KLHL18: variants seen among roughly 807,000 people sequenced by gnomAD.
The protein encoded by KLHL18 is kelch like family member 18.
Under a neutral mutation model 58.5 loss-of-function variants are expected in KLHL18, and 38 were observed. The observed-to-expected ratio is 0.65, with a 90% CI of 0.50 to 0.85. The LOEUF (loss-of-function observed/expected upper bound fraction) is 0.85, where lower values mean the gene tolerates loss of function less well. KLHL18 is among the 40% of genes least tolerant of loss of function. The pLI, the probability that KLHL18 is intolerant of heterozygous loss-of-function variation, is 0.00. For synonymous variants in KLHL18, 303 were observed against 301.9 expected (o/e 1.00, Z -0.04); for missense variants, 624 against 778.4 (o/e 0.80, Z 2.36).
chr3:47,307,588 C>T (rs1479498159), intron 1 of KLHL18, among the ~76,000 whole-genome samples: 5 of 150,264 alleles, frequency 3.3e-5, no homozygotes, highest in Admixed American at 6.6e-5. Flanking sequence ...CAAGGTCTTG[C>T]CATGTTGCCC....
intron 1 of KLHL18, among the ~76,000 whole-genome samples, chr3:47,316,484 C>T (rs1266292833): frequency 6.8e-5 from 1 of 14,744 alleles, no homozygotes; most frequent in African/African-American, 1.0e-4. Flanking sequence ...TATATATATA[C>T]ATATATACAT....
At chr3:47,298,371 A>AG (rs386396561) in intron 1 of KLHL18, among the ~76,000 whole-genome samples, 48 of 151,368 alleles carry the variant, frequency 3.2e-4, no homozygotes, top group East Asian at 1.5e-3. Context: ...AAAAAAAAAA[A>AG]AGAGAAAAAA....
intron 7 of KLHL18, chr3:47,338,541 G>C (rs1704036131): frequency 6.6e-6 from 1 of 152,280 alleles, no homozygotes; most frequent in Admixed American, 6.5e-5. Flanking sequence ...GTAGCAGCAA[G>C]CCAGGTATGG....
chr3:47,332,454 A>G (rs902488818), intron 4 of KLHL18, among the ~76,000 whole-genome samples: 6 of 152,182 alleles, frequency 3.9e-5, no homozygotes, highest in Non-Finnish European at 7.3e-5. Flanking sequence ...GGGGGATGCT[A>G]GAGAGGTGAA....
At chr3:47,310,877 T>C (rs1703282160) in intron 1 of KLHL18, among the ~76,000 whole-genome samples, 1 of 152,198 alleles carries the variant, frequency 6.6e-6, no homozygotes, top group Non-Finnish European at 1.5e-5. Flanking sequence ...AGCTCTTCTC[T>C]CTCTGGACCA....
At chr3:47,309,526 G>A (rs1180371434) in intron 1 of KLHL18, among the ~76,000 whole-genome samples, 2 of 152,066 alleles carry the variant, frequency 1.3e-5, no homozygotes, top group African/African-American at 4.8e-5. Context: ...CTGGGCAGCC[G>A]GGCAGAGGGG....
chr3:47,340,693 C>T lies in KLHL18; in HGVS notation c.1226+17C>T, dbSNP rs371984147. Reference sequence around the variant, plus strand: ...GACGGACAAGTAAGGACTCCAGCTCCCTTGGGGCAACTGGAGCTTATAAAC... The same window carrying T: ...GACGGACAAGTAAGGACTCCAGCTCTCTTGGGGCAACTGGAGCTTATAAAC... On this transcript the variant is annotated intron_variant, in intron 8 of 9. Transcript: ENST00000232766. 9 of 1,613,530 alleles carry T rather than the reference C, an allele frequency of 5.6e-6. No individual in the cohort carries two copies. The highest frequency in any genetic ancestry group is 4.0e-5 in the African/African-American group (3 of 74,856).
intron 1 of KLHL18, among the ~76,000 whole-genome samples, chr3:47,298,796 G>C (rs764672459): frequency 6.6e-6 from 1 of 152,102 alleles, no homozygotes; most frequent in Non-Finnish European, 1.5e-5. Context: ...AAATGAAATC[G>C]TAGAGTTCGT....
Position 47,343,918 on chromosome 3 carries a change from T to TGCATCCCTC in KLHL18, c.1703_1711dup (p.Pro570_Leu571insArgIlePro). The TGCATCCCTC allele has an allele frequency of 6.2e-7, 1 of 1,613,876 alleles. No homozygotes were observed. Among genetic ancestry groups the TGCATCCCTC allele is most frequent in the Non-Finnish European group, 8.5e-7 (1 of 1,180,014 alleles). ...CCATGAGGGAGGGGTCGGTGTGGGC[T>TGCATCCCTC]GCATCCCTCTCCTCACCATCTAAGG... On this transcript the variant is annotated inframe_insertion, in exon 10 of 10. Transcript: ENST00000232766.
In KLHL18 at chr3:47,343,703, TG is replaced by T. The variant is rs1171222226; in HGVS notation, c.1488del (p.Met496IlefsTer11). 6.2e-7 allele frequency: 1 copy of T among 1,614,198 alleles called. No individual in the cohort carries two copies. Among genetic ancestry groups the T allele is most frequent in the Admixed American group, 1.7e-5 (1 of 60,030 alleles). On this transcript the variant is annotated frameshift_variant, in exon 10 of 10. Transcript: ENST00000232766. LOFTEE classifies it high-confidence loss of function. ...DGSGFLSIAEMYSSVADQWCL... is the reference protein window; with the variant it reads ...DGSGFLSIAEXYSSVADQWCL... ...TCTGGCTTCCTCAGCATTGCCGAGA[TG>T]TACAGCTCTGTGGCAGACCAGTGGT...
rs774813452 is a variant in KLHL18 at position 47,336,703 on chromosome 3, A to G, written c.1067A>G (p.Tyr356Cys). ...CTACGGCTGAGCACTGTGGAGGCCT[A>G]CAACCCGGAGACAGACACATGGACC... ...GQLRLSTVEA[Y>C]NPETDTWTRV... The change falls in exon 7 of 10, where the codon TAC (tyrosine) becomes TGC (cysteine). Residue 356 changes from tyrosine to cysteine, a missense_variant. Physicochemically the swap from Tyr to Cys is radical, Grantham distance 194 (BLOSUM62 -2). Transcript: ENST00000232766. The G allele has an allele frequency of 6.2e-7, 1 of 1,614,246 alleles. No homozygotes were observed. Among genetic ancestry groups the G allele is most frequent in the Non-Finnish European group, 8.5e-7 (1 of 1,180,044 alleles).
At chr3:47,326,544 CT>C (rs1703727034) in intron 3 of KLHL18, among the ~76,000 whole-genome samples, 1 of 152,136 alleles carries the variant, frequency 6.6e-6, no homozygotes, top group South Asian at 2.1e-4. Flanking sequence ...GCTCTCCTTC[CT>C]TTTCCCCCAC....
intron 7 of KLHL18, chr3:47,338,866 C>T (rs1254043790): frequency 2.0e-5 from 3 of 152,196 alleles, no homozygotes; most frequent in African/African-American, 7.2e-5. Context: ...GTTTTATTTT[C>T]CTGTTTGTTA....
intron 3 of KLHL18, among the ~76,000 whole-genome samples, chr3:47,323,196 C>T (rs1255603370): frequency 6.6e-6 from 1 of 152,006 alleles, no homozygotes; most frequent in Non-Finnish European, 1.5e-5. Context: ...TCCAGCAATC[C>T]TCCCACCTCA....
At chr3:47,342,867 T>TTC in intron 9 of KLHL18, 37 bp downstream of exon 9, 1 of 1,437,178 alleles carries the variant, frequency 7.0e-7, no homozygotes, top group South Asian at 1.2e-5. Flanking sequence ...GGGTACCTAC[T>TTC]TCTGTCTTTG....
Position 47,344,159 on chromosome 3 carries a change from C to T in KLHL18, c.*218C>T. On this transcript the variant is annotated 3_prime_UTR_variant, in exon 10 of 10. Transcript: ENST00000232766. ...AGATGCACAGCATGGAACACAAGCT[C>T]CTCTGGATCCTGCAGCTGGTGACAT... 1.7e-6 allele frequency: 1 copy of T among 573,306 alleles called. No individual in the cohort carries two copies. Among genetic ancestry groups the T allele is most frequent in the Non-Finnish European group, 3.0e-6 (1 of 330,000 alleles). The allele number at this position is 573,306 out of a possible 1,614,324, so 35.5% of individuals were successfully genotyped here.
chr3:47,304,394 T>C (rs539505330), intron 1 of KLHL18, among the ~76,000 whole-genome samples: 9 of 152,150 alleles, frequency 5.9e-5, no homozygotes, highest in Admixed American at 5.9e-4. Flanking sequence ...TCCTAGCTAC[T>C]CGGGAGCCTG....
At chr3:47,320,267 T>C (rs1703554760) in intron 2 of KLHL18, among the ~76,000 whole-genome samples, 1 of 152,226 alleles carries the variant, frequency 6.6e-6, no homozygotes, top group Non-Finnish European at 1.5e-5. Flanking sequence ...CACAGATGGC[T>C]ATTGAGCACT....
At chr3:47,314,523 G>A (rs1247776165) in intron 1 of KLHL18, among the ~76,000 whole-genome samples, 4 of 151,750 alleles carry the variant, frequency 2.6e-5, no homozygotes, top group Admixed American at 6.6e-5. Context: ...GTGAAGAACG[G>A]AGTCTCGCTA....
Sources: allele counts gnomAD v4.1 joint callset (sites outside exome capture counted in the v4.1 genomes callset), GRCh38; gene constraint gnomAD v4.1.1; transcripts MANE v1.5; gene names NCBI Gene and HGNC (gene_info 2026-07-23, HGNC 2026-07-21).